Variants in BABAM2 observed in about 807,000 individuals in gnomAD.
BABAM2 encodes the protein BRISC and BRCA1 A complex member 2.
In BABAM2, 31 loss-of-function variants were observed where a neutral mutation model predicts 54.7. The ratio of observed to expected loss-of-function variants is 0.57; its 90% confidence interval spans 0.43 to 0.77. BABAM2 has a LOEUF of 0.77. Among genes scored for constraint, BABAM2 ranks in the 30% least tolerant of loss-of-function variants. The probability of loss-of-function intolerance (pLI) is 0.00; values close to 1 mark genes in which losing one functional copy is unlikely to be tolerated. For synonymous variants in BABAM2, 167 were observed against 162.9 expected (o/e 1.03, Z -0.19); for missense variants, 364 against 455.8 (o/e 0.80, Z 1.83).
chr2:28,303,324 A>G (rs1183562458), intron 11 of BABAM2, among the ~76,000 whole-genome samples: 1 of 152,222 alleles, frequency 6.6e-6, no homozygotes. Flanking sequence ...TTGTTTTGAT[A>G]CATAGGCCTA....
chr2:28,186,069 T>G (rs1410935435), intron 7 of BABAM2, among the ~76,000 whole-genome samples: 2 of 152,140 alleles, frequency 1.3e-5, no homozygotes, highest in Non-Finnish European at 2.9e-5. Context: ...ATGGCTTATT[T>G]CAAAACACAG....
At chr2:28,090,384 A>G (rs1666061001) in intron 6 of BABAM2, among the ~76,000 whole-genome samples, 1 of 152,072 alleles carries the variant, frequency 6.6e-6, no homozygotes, top group Non-Finnish European at 1.5e-5. Flanking sequence ...AGCTGGGAGT[A>G]CAGGTGTGCG....
chr2:28,113,289 C>A (rs1487389530), intron 6 of BABAM2, among the ~76,000 whole-genome samples: 1 of 151,832 alleles, frequency 6.6e-6, no homozygotes, highest in Non-Finnish European at 1.5e-5. Context: ...TGCCTGTGTC[C>A]TGATGGATTA....
intron 7 of BABAM2, chr2:28,233,356 G>A: frequency 2.2e-6 from 1 of 448,666 alleles, no homozygotes; most frequent in South Asian, 1.7e-5. Flanking sequence ...TCTGCACAGG[G>A]TGAGTTTCCT....
intron 2 of BABAM2, among the ~76,000 whole-genome samples, chr2:27,922,404 G>T (rs1667404441): frequency 6.6e-6 from 1 of 152,178 alleles, no homozygotes; most frequent in Admixed American, 6.5e-5. Flanking sequence ...CTCAACAGAT[G>T]AGAATGTGCG....
At chr2:28,300,200 A>C (rs1384859562) in intron 11 of BABAM2, among the ~76,000 whole-genome samples, 1 of 152,142 alleles carries the variant, frequency 6.6e-6, no homozygotes, top group African/African-American at 2.4e-5. Flanking sequence ...CAGCCTCCCA[A>C]AGTGCTAGGA....
chr2:28,320,096 G>A (rs765281784), intron 11 of BABAM2, among the ~76,000 whole-genome samples: 1 of 152,206 alleles, frequency 6.6e-6, no homozygotes, highest in Non-Finnish European at 1.5e-5. Flanking sequence ...TTGTATTTGA[G>A]CCAGCCATAT....
rs144382820 is a variant in BABAM2, at chr2:27,996,828, GC to G, written c.300+8743del. 8.0e-3 allele frequency among the ~76,000 whole-genome samples: 1,225 copies of G among 152,210 alleles called. 13 individuals carry two copies. Among genetic ancestry groups the G allele is most frequent in the African/African-American group, 0.029 (1,184 of 41,518 alleles). On this transcript the variant is annotated intron_variant, in intron 4 of 11. Transcript: ENST00000379624. Reference sequence around the variant, plus strand: ...TGAGGTTTTCTCCTCTTGATTCTCAGCCTCCCAGTTCTCATTTCTTCCATAG... The same window carrying G: ...TGAGGTTTTCTCCTCTTGATTCTCAGCTCCCAGTTCTCATTTCTTCCATAG...
At chr2:28,285,347 G>T (rs945747695) in intron 10 of BABAM2, among the ~76,000 whole-genome samples, 9 of 152,056 alleles carry the variant, frequency 5.9e-5, no homozygotes, top group Admixed American at 3.9e-4. Flanking sequence ...CACCCATCTT[G>T]CAGACTGAGT....
rs554034339 is a variant in BABAM2, at chr2:28,338,794, C to T, written c.*281C>T. The T allele has an allele frequency of 6.6e-5, 25 of 380,694 alleles. No individual in the cohort carries two copies. Among genetic ancestry groups the T allele is most frequent in the South Asian group, 4.7e-4 (16 of 34,164 alleles). The allele number at this position is 380,694 out of a possible 1,614,324, so 23.6% of individuals were successfully genotyped here. On this transcript the variant is annotated 3_prime_UTR_variant, in exon 12 of 12. Transcript: ENST00000379624. ...CACAAATTATGGTGCAGTAATTTTC[C>T]GGGGAAAGTAAAGCCTCAGGAATGC...
chr2:28,058,117 C>T (rs1382452381), intron 6 of BABAM2, among the ~76,000 whole-genome samples: 1 of 151,340 alleles, frequency 6.6e-6, no homozygotes, highest in Non-Finnish European at 1.5e-5. Context: ...GCATTCCAGC[C>T]TGGGTGACAG....
chr2:28,184,087 C>A (rs1379197092), intron 7 of BABAM2, among the ~76,000 whole-genome samples: 1 of 152,148 alleles, frequency 6.6e-6, no homozygotes, highest in Non-Finnish European at 1.5e-5. Flanking sequence ...AACACTTTGA[C>A]TATTGTTAGC....
At chr2:27,999,449 G>C (rs974345482) in intron 4 of BABAM2, among the ~76,000 whole-genome samples, 2 of 152,158 alleles carry the variant, frequency 1.3e-5, no homozygotes, top group Non-Finnish European at 2.9e-5. Flanking sequence ...AGTTGGCTTG[G>C]AGTAGTTTGC....
chr2:28,327,216 C>T (rs1246308272), intron 11 of BABAM2: 1 of 1,541,586 alleles, frequency 6.5e-7, no homozygotes, highest in Non-Finnish European at 8.8e-7. Flanking sequence ...CCCTGTCCCT[C>T]CCTCCATTTA....
chr2:28,172,376 G>A (rs1353838783), intron 7 of BABAM2, among the ~76,000 whole-genome samples: 4 of 152,174 alleles, frequency 2.6e-5, no homozygotes, highest in Admixed American at 6.5e-5. Context: ...GAAGATGCAT[G>A]TGTGTTTCAT....
intron 7 of BABAM2, among the ~76,000 whole-genome samples, chr2:28,131,571 A>G (rs1185531896): frequency 2.6e-5 from 4 of 152,326 alleles, no homozygotes; most frequent in African/African-American, 9.6e-5. Context: ...TAAAATAGAC[A>G]TAATAATACC....
At chr2:28,160,481 G>T (rs766751800) in intron 7 of BABAM2, among the ~76,000 whole-genome samples, 1 of 152,118 alleles carries the variant, frequency 6.6e-6, no homozygotes, top group Non-Finnish European at 1.5e-5. Flanking sequence ...TAATTTAAGG[G>T]AGCCCCCAGA....
At chr2:28,280,420 G>T (rs1287535788) in intron 10 of BABAM2, among the ~76,000 whole-genome samples, 1 of 152,028 alleles carries the variant, frequency 6.6e-6, no homozygotes, top group African/African-American at 2.4e-5. Flanking sequence ...GCTAAAAGTT[G>T]CTCTAACTCT....
chr2:28,182,514 C>A (rs1000603818), intron 7 of BABAM2, among the ~76,000 whole-genome samples: 4 of 152,130 alleles, frequency 2.6e-5, no homozygotes, highest in Middle Eastern at 3.2e-3. Context: ...ACAGAGACAT[C>A]CTCCCGTGTT....
Sources: gnomAD v4.1 joint callset for allele counts (sites outside exome capture counted in the v4.1 genomes callset) on GRCh38, gnomAD v4.1.1 for gene constraint, MANE v1.5 for transcripts, NCBI Gene and HGNC (gene_info 2026-07-23, HGNC 2026-07-21) for gene names.